Variants in PLXDC2 observed in about 807,000 individuals in gnomAD.
PLXDC2 encodes plexin domain containing 2.
A neutral mutation model predicts 68.9 loss-of-function variants in PLXDC2; 40 were observed. That is an observed-to-expected ratio of 0.58 (90% CI 0.45 to 0.76). PLXDC2 has a LOEUF of 0.76. Among genes scored for constraint, PLXDC2 ranks in the 30% least tolerant of loss-of-function variants. PLXDC2 has a pLI of 0.00. For synonymous variants in PLXDC2, 243 were observed against 234.2 expected (o/e 1.04, Z -0.34); for missense variants, 644 against 661.9 (o/e 0.97, Z 0.30).
chr10:19,935,264 T>A (rs1833703894), intron 1 of PLXDC2, among the ~76,000 whole-genome samples: 1 of 152,206 alleles, frequency 6.6e-6, no homozygotes, highest in Non-Finnish European at 1.5e-5. Flanking sequence ...CTTCTGCGCC[T>A]GGCTTTGAGT....
At chr10:20,106,249 G>A (rs1320464774) in intron 4 of PLXDC2, among the ~76,000 whole-genome samples, 9 of 152,170 alleles carry the variant, frequency 5.9e-5, no homozygotes, top group Non-Finnish European at 1.3e-4. Flanking sequence ...ATGACTCATG[G>A]GTTGAATTAT....
chr10:20,178,687 A>T (rs1834561961), intron 9 of PLXDC2, among the ~76,000 whole-genome samples: 2 of 152,178 alleles, frequency 1.3e-5, no homozygotes, highest in East Asian at 1.9e-4. Flanking sequence ...GAATGCAAAA[A>T]TAAAATGCCG....
intron 1 of PLXDC2, among the ~76,000 whole-genome samples, chr10:19,855,333 A>G (rs1837192474): frequency 6.6e-6 from 1 of 152,120 alleles, no homozygotes; most frequent in Admixed American, 6.6e-5. Flanking sequence ...GAAGTCCTTG[A>G]AATGGAGGTT....
chr10:19,827,653 C>T (rs753503842), intron 1 of PLXDC2, among the ~76,000 whole-genome samples: 17 of 151,820 alleles, frequency 1.1e-4, no homozygotes, highest in African/African-American at 1.9e-4. Context: ...CTCCACCTCC[C>T]GGGTTCAAGT....
chr10:20,011,297 G>A (rs1228183254), intron 2 of PLXDC2, among the ~76,000 whole-genome samples: 1 of 152,114 alleles, frequency 6.6e-6, no homozygotes, highest in African/African-American at 2.4e-5. Context: ...GGTGTGCTGG[G>A]GCCAGAGTGC....
chr10:20,230,556 C>T (rs1354718595), intron 12 of PLXDC2, among the ~76,000 whole-genome samples: 1 of 151,472 alleles, frequency 6.6e-6, no homozygotes, highest in Non-Finnish European at 1.5e-5. Context: ...CTTGTAGTCC[C>T]AGCTACATGG....
intron 1 of PLXDC2, among the ~76,000 whole-genome samples, chr10:19,920,255 G>A (rs1189479888): frequency 1.3e-5 from 2 of 152,174 alleles, no homozygotes; most frequent in Non-Finnish European, 2.9e-5. Context: ...CTGCTGAGCA[G>A]AGGAGGGTGT....
At chr10:20,103,641 T>C (rs1444774023) in intron 4 of PLXDC2, among the ~76,000 whole-genome samples, 4 of 103,170 alleles carry the variant, frequency 3.9e-5, no homozygotes, top group Non-Finnish European at 6.9e-5. Context: ...CTTTTCTTTT[T>C]TTTTTTCTTT....
chr10:20,217,289 A>G, intron 10 of PLXDC2, 137 bp from the exon 11 acceptor site: 1 of 661,140 alleles, frequency 1.5e-6, no homozygotes, highest in Non-Finnish European at 2.3e-6. Flanking sequence ...TCATTAATAT[A>G]GTCTTGTACA....
At chr10:20,067,118 GT>G (rs1836223785) in intron 3 of PLXDC2, among the ~76,000 whole-genome samples, 1 of 152,056 alleles carries the variant, frequency 6.6e-6, no homozygotes, top group African/African-American at 2.4e-5. Flanking sequence ...TTTTTAATAT[GT>G]TTTGGGTTTT....
At chr10:20,103,594 G>A (rs1027954299) in intron 4 of PLXDC2, among the ~76,000 whole-genome samples, 3 of 20,126 alleles carry the variant, frequency 1.5e-4, no homozygotes, top group Non-Finnish European at 1.9e-4. Context: ...TTGTGTGTGA[G>A]AGAGAGAGAG....
At chr10:20,183,126 G>T (rs1457146967) in intron 9 of PLXDC2, among the ~76,000 whole-genome samples, 4 of 151,968 alleles carry the variant, frequency 2.6e-5, no homozygotes, top group Non-Finnish European at 5.9e-5. Flanking sequence ...TAAAGAGTTT[G>T]CTTTGGGACA....
At chr10:19,868,130 A>G (rs958734100) in intron 1 of PLXDC2, among the ~76,000 whole-genome samples, 1 of 151,822 alleles carries the variant, frequency 6.6e-6, no homozygotes, top group Non-Finnish European at 1.5e-5. Context: ...TTTAACCTTT[A>G]TTTTGGGTTT....
chr10:19,974,349 G>C (rs144591781), intron 1 of PLXDC2, among the ~76,000 whole-genome samples: 1 of 152,238 alleles, frequency 6.6e-6, no homozygotes, highest in Non-Finnish European at 1.5e-5. Flanking sequence ...ACCAGCTGGT[G>C]GTTTCTGTGG....
At chr10:19,940,279 T>C (rs1028429508) in intron 1 of PLXDC2, among the ~76,000 whole-genome samples, 3 of 152,082 alleles carry the variant, frequency 2.0e-5, no homozygotes, top group African/African-American at 7.2e-5. Flanking sequence ...CATGGAAATA[T>C]ATACTCTAAT....
At chr10:20,123,230 G>A (rs573387575) in intron 4 of PLXDC2, among the ~76,000 whole-genome samples, 171 of 152,188 alleles carry the variant, frequency 1.1e-3, no homozygotes, top group African/African-American at 4.0e-3. Context: ...TGGGGAGGAG[G>A]GGAGAGGTCA....
chr10:20,132,004 G>C (rs1322292178), intron 4 of PLXDC2, among the ~76,000 whole-genome samples: 2 of 151,936 alleles, frequency 1.3e-5, no homozygotes, highest in Non-Finnish European at 2.9e-5. Context: ...ACCCCTTAGG[G>C]CTGCTGTTGC....
chr10:20,215,998 G>T (rs1488557493), intron 10 of PLXDC2, among the ~76,000 whole-genome samples: 1 of 152,024 alleles, frequency 6.6e-6, no homozygotes, highest in Non-Finnish European at 1.5e-5. Flanking sequence ...GGAGATGTTT[G>T]TGGAGCCCCC....
rs138867819 is a variant in PLXDC2, at chr10:20,281,327, G to T, written c.*1508G>T. ...CTGAGCTCCTAAAGTTTAAATTCAG[G>T]TACTGAGTGTACAATTTCACCAACA... On this transcript the variant is annotated 3_prime_UTR_variant, in exon 14 of 14. Coordinates refer to ENST00000377252, the MANE Select transcript of PLXDC2 (RefSeq NM_032812.9). 2.0e-5 allele frequency: 3 copies of T among 152,178 alleles called. No individual in the cohort carries two copies. The highest frequency in any genetic ancestry group is 1.9e-4 in the East Asian group (1 of 5,180). 9.4% of individuals were successfully genotyped at this position (152,178 alleles called of 1,614,324 possible). A position where few individuals can be genotyped will look rare whatever the true frequency, so the allele number is the denominator to read the frequency against.
Sources: gnomAD v4.1 joint callset for allele counts (sites outside exome capture counted in the v4.1 genomes callset) on GRCh38, gnomAD v4.1.1 for gene constraint, MANE v1.5 for transcripts, NCBI Gene and HGNC (gene_info 2026-07-23, HGNC 2026-07-21) for gene names.